Variants in TPO observed in about 807,000 individuals in gnomAD.
The protein encoded by TPO is thyroid peroxidase, also known as thyroid microsomal antigen.
TPO carries 78 observed loss-of-function variants against 96.9 expected under a neutral mutation model. That is an observed-to-expected ratio of 0.81 (90% CI 0.67 to 0.97). TPO has a LOEUF of 0.97. Among genes scored for constraint, TPO ranks in the 50% least tolerant of loss-of-function variants. TPO has a pLI of 0.00. For missense variants in TPO, 1,252 were observed against 1,274.8 expected (o/e 0.98, Z 0.27); for synonymous variants, 547 against 538.0 (o/e 1.02, Z -0.23).
At chr2:1,500,231 A>G (rs1368022942) in intron 13 of TPO, among the ~76,000 whole-genome samples, 2 of 152,238 alleles carry the variant, frequency 1.3e-5, no homozygotes, top group African/African-American at 4.8e-5. Flanking sequence ...ACCTGTTAAT[A>G]CTGGAGACCT....
intron 13 of TPO, among the ~76,000 whole-genome samples, chr2:1,501,628 G>T (rs1264604256): frequency 6.6e-6 from 1 of 152,198 alleles, no homozygotes; most frequent in Non-Finnish European, 1.5e-5. Flanking sequence ...TTAAAGTGAG[G>T]CTGTCGGGTG....
intron 5 of TPO, among the ~76,000 whole-genome samples, chr2:1,450,678 C>T (rs1385647727): frequency 6.6e-6 from 1 of 152,168 alleles, no homozygotes; most frequent in Non-Finnish European, 1.5e-5. Context: ...GGGTCCACAA[C>T]AAATGTCTGT....
At chr2:1,542,235 A>G (rs1680848563) in intron 16 of TPO, 186 bp from the exon 17 acceptor site, 1 of 779,084 alleles carries the variant, frequency 1.3e-6, no homozygotes, top group Admixed American at 2.3e-5. Context: ...CCTCCTGCAA[A>G]CAAGCATTTG....
chr2:1,433,403 A>T, intron 3 of TPO, 35 bp from the exon 4 acceptor site: 1 of 1,611,894 alleles, frequency 6.2e-7, no homozygotes, highest in Non-Finnish European at 8.5e-7. Context: ...ACCATAGACA[A>T]ATAATCTATT....
intron 10 of TPO, among the ~76,000 whole-genome samples, 167 bp from the exon 11 acceptor site, chr2:1,493,635 G>A (rs968917869): frequency 1.7e-4 from 25 of 147,500 alleles, no homozygotes; most frequent in African/African-American, 4.9e-4. Flanking sequence ...TCTGCCGGGC[G>A]TCGGAGCTGG....
chr2:1,405,191 A>G (rs1201046805), intron 1 of TPO, among the ~76,000 whole-genome samples: 1 of 149,132 alleles, frequency 6.7e-6, no homozygotes, highest in Non-Finnish European at 1.5e-5. Context: ...CCATTCATCC[A>G]TCCATTCATC....
chr2:1,519,174 T>C (rs1417236384), intron 15 of TPO, among the ~76,000 whole-genome samples: 3 of 152,202 alleles, frequency 2.0e-5, no homozygotes, highest in Non-Finnish European at 2.9e-5. Context: ...CTCTAGGTCA[T>C]AAACTGCTGT....
chr2:1,454,661 T>G (rs6588666), intron 6 of TPO, among the ~76,000 whole-genome samples: 141,433 of 152,240 alleles, frequency 0.93, 65,775 homozygotes, highest in South Asian at 0.98. Flanking sequence ...CAAGTCGCTT[T>G]CCTTCTTGGC....
At chr2:1,533,001 ACCT>A (rs1427122511) in intron 15 of TPO, among the ~76,000 whole-genome samples, 1 of 48,038 alleles carries the variant, frequency 2.1e-5, no homozygotes, top group Non-Finnish European at 3.7e-5. Flanking sequence ...ACTGTGTGCA[ACCT>A]CCTCTAGTCC....
At chr2:1,509,820 G>C (rs62107987) in intron 14 of TPO, among the ~76,000 whole-genome samples, 89,725 of 148,212 alleles carry the variant, frequency 0.61, 27,205 homozygotes, top group African/African-American at 0.7. Flanking sequence ...TTCAGGAACA[G>C]GACACCCTCT....
rs756050827 is a variant in TPO, at chr2:1,540,630, G to A, written c.2655G>A (p.Ser885=). 5 of 1,613,448 alleles carry A rather than the reference G, an allele frequency of 3.1e-6. No individual in the cohort carries two copies. The highest frequency in any genetic ancestry group is 2.7e-5 in the African/African-American group (2 of 74,910). Residue 885 remains serine, a synonymous_variant, in exon 16 of 17, where the codon TCG becomes TCA. Coordinates refer to ENST00000329066, the MANE Select transcript of TPO (RefSeq NM_001206744.2). ...GCACTAAATCCACACTGCCCATCTC[G>A]GAGACAGGCGGAGGAACTCCCGAGC... ...RTGTKSTLPI[S]ETGGGTPELR...
chr2:1,413,785 G>A, intron 1 of TPO: 1 of 973,776 alleles, frequency 1.0e-6, no homozygotes, highest in Non-Finnish European at 1.2e-6. Flanking sequence ...TGTCAGCATG[G>A]ACTCACTGGT....
chr2:1,543,673 ACT>A (rs1219777855), downstream of TPO: 5 of 150,664 alleles, frequency 3.3e-5, no homozygotes, highest in Admixed American at 6.6e-5. Context: ...TTAAAATAAA[ACT>A]CATGAATGAT....
chr2:1,419,930 G>A (rs1054111411), intron 2 of TPO, among the ~76,000 whole-genome samples: 2 of 152,082 alleles, frequency 1.3e-5, no homozygotes, highest in African/African-American at 4.8e-5. Context: ...GAGAGAAAAG[G>A]TTTCTTCTTC....
intron 15 of TPO, among the ~76,000 whole-genome samples, chr2:1,535,869 TTGTGCAACCTCAAGTCCCCGAATG>T (rs1558436991): frequency 1.7e-5 from 1 of 57,706 alleles, no homozygotes; most frequent in Non-Finnish European, 3.6e-5. Flanking sequence ...CCCCCCAACT[TTGTGCAACCTCAAGTCCCCGAATG>T]TGTGCAACCC....
In TPO at chr2:1,542,421, G is replaced by T; in HGVS notation, c.2749G>T (p.Glu917Ter). ...TAATGTTTGTTCTGCATTTTTGCAGGAGAGTGCTGGGATGGAAGGCCGGGA... is the reference window on the plus strand; with the variant it reads ...TAATGTTTGTTCTGCATTTTTGCAGTAGAGTGCTGGGATGGAAGGCCGGGA... ...QRAAAQDSEQ[E>*]SAGMEGRDTH... Residue 917 changes from glutamate (E) to a stop codon, truncating the protein, a stop_gained and splice_region_variant, in exon 17 of 17, where the codon GAG becomes TAG. Transcript: ENST00000329066. LOFTEE classifies it low-confidence loss of function (END_TRUNC). 6.2e-7 allele frequency: 1 copy of T among 1,614,182 alleles called. No individual in the cohort carries two copies. Among genetic ancestry groups the T allele is most frequent in the East Asian group, 2.2e-5 (1 of 44,878 alleles).
chr2:1,437,559 G>A (rs1665707397), intron 5 of TPO, among the ~76,000 whole-genome samples: 1 of 152,158 alleles, frequency 6.6e-6, no homozygotes, highest in African/African-American at 2.4e-5. Context: ...TCGGGGTCCT[G>A]GGTATATGAT....
chr2:1,472,827 C>CAA lies in TPO; in HGVS notation c.820-4236_820-4235dup, dbSNP rs34064729. On this transcript the variant is annotated intron_variant, in intron 7 of 16. Transcript: ENST00000329066. ...TCATTTTTTTCTGCTTGTTTGGCGG[C>CAA]AAAAAAAAAAAAAAAAAAAAAAAAG... Among the ~76,000 whole-genome samples, 275 of 48,254 alleles carry CAA rather than the reference C, an allele frequency of 5.7e-3. 19 individuals carry two copies. Among genetic ancestry groups the CAA allele is most frequent in the African/African-American group, 0.016 (185 of 11,316 alleles). 31.7% of individuals were successfully genotyped at this position (48,254 alleles called of 152,430 possible).
At position 1,540,741 on chromosome 2, in the gene TPO, G is replaced by A. The variant is rs749491843; in HGVS notation, c.2748+18G>A. Reference sequence around the variant, plus strand: ...CGGAGCAGGTGGGCCACACCATGCCGCATGTTTCCAGCTGCCACCGCAGTG... The same window carrying A: ...CGGAGCAGGTGGGCCACACCATGCCACATGTTTCCAGCTGCCACCGCAGTG... On this transcript the variant is annotated intron_variant, in intron 16 of 16. Transcript: ENST00000329066. 6.2e-6 allele frequency: 10 copies of A among 1,613,250 alleles called. No individual in the cohort carries two copies. The highest frequency in any genetic ancestry group is 2.2e-5 in the East Asian group (1 of 44,884).
Sources: allele counts gnomAD v4.1 joint callset (sites outside exome capture counted in the v4.1 genomes callset), GRCh38; gene constraint gnomAD v4.1.1; transcripts MANE v1.5; gene names NCBI Gene and HGNC (gene_info 2026-07-23, HGNC 2026-07-21).